Variants in KCNMA1 observed in about 807,000 individuals in gnomAD.
KCNMA1 encodes the protein Calcium-activated potassium channel subunit alpha-1.
KCNMA1 carries 29 observed loss-of-function variants against 140.0 expected under a neutral mutation model. That is an observed-to-expected ratio of 0.21 (90% confidence interval 0.15 to 0.28). The LOEUF is 0.28. KCNMA1 is among the 10% of genes least tolerant of loss of function. The pLI is 1.00. For missense variants in KCNMA1, 880 were observed against 1,602.2 expected (o/e 0.55, Z 7.70); for synonymous variants, 612 against 611.9 (o/e 1.00, Z 0.00).
At chr10:77,381,123 C>T (rs148851254) in intron 2 of KCNMA1, among the ~76,000 whole-genome samples, 123 of 152,226 alleles carry the variant, frequency 8.1e-4, no homozygotes, top group African/African-American at 2.8e-3. Flanking sequence ...CTCATCCATT[C>T]GTTCAACAGA....
chr10:77,517,643 G>A (rs1004517987), intron 1 of KCNMA1, among the ~76,000 whole-genome samples: 6 of 152,238 alleles, frequency 3.9e-5, no homozygotes, highest in African/African-American at 9.6e-5. Flanking sequence ...TGAAGGGCCC[G>A]TGTTCTCAGC....
intron 19 of KCNMA1, chr10:76,974,583 A>C: frequency 2.6e-6 from 4 of 1,518,362 alleles, no homozygotes; most frequent in Non-Finnish European, 3.6e-6. Context: ...ACTGCCAAAC[A>C]ATAAGGAGAA....
chr10:77,588,627 T>G (rs2078008440), intron 1 of KCNMA1, among the ~76,000 whole-genome samples: 2 of 152,128 alleles, frequency 1.3e-5, no homozygotes, highest in South Asian at 4.1e-4. Context: ...GGGCCCAAGG[T>G]TCTAGTAAGA....
At chr10:77,178,430 G>A (rs1206529113) in intron 5 of KCNMA1, among the ~76,000 whole-genome samples, 1 of 152,154 alleles carries the variant, frequency 6.6e-6, no homozygotes, top group Non-Finnish European at 1.5e-5. Flanking sequence ...ACACAGGCAA[G>A]GTGCAGTGGC....
chr10:77,293,821 T>C (rs1402985500), intron 2 of KCNMA1, among the ~76,000 whole-genome samples: 1 of 152,244 alleles, frequency 6.6e-6, no homozygotes, highest in Non-Finnish European at 1.5e-5. Context: ...ATGCATTCTT[T>C]CCCAAAATGC....
At chr10:77,600,713 C>T (rs2082344995) in intron 1 of KCNMA1, among the ~76,000 whole-genome samples, 2 of 152,102 alleles carry the variant, frequency 1.3e-5, no homozygotes, top group African/African-American at 4.8e-5. Flanking sequence ...CGCCATTGCA[C>T]TGCAGCCTGG....
At chr10:77,403,109 A>G (rs2096333292) in intron 2 of KCNMA1, among the ~76,000 whole-genome samples, 1 of 152,166 alleles carries the variant, frequency 6.6e-6, no homozygotes, top group African/African-American at 2.4e-5. Flanking sequence ...GTTGATCACT[A>G]TAAGCCTGTC....
intron 2 of KCNMA1, among the ~76,000 whole-genome samples, chr10:77,343,487 G>A (rs889240331): frequency 2.6e-5 from 4 of 152,216 alleles, no homozygotes. Context: ...CTGATAAAGG[G>A]GGTGGCAGAG....
intron 1 of KCNMA1, among the ~76,000 whole-genome samples, chr10:77,541,159 A>C (rs1166291089): frequency 6.6e-6 from 1 of 152,098 alleles, no homozygotes; most frequent in Non-Finnish European, 1.5e-5. Flanking sequence ...AAACAGCAGA[A>C]AAAACTCACA....
At chr10:77,353,545 G>A (rs778837733) in intron 2 of KCNMA1, among the ~76,000 whole-genome samples, 10 of 151,342 alleles carry the variant, frequency 6.6e-5, no homozygotes, top group Non-Finnish European at 1.3e-4. Context: ...CACATCATTC[G>A]TGCTTACTAG....
chr10:76,972,438 C>T (rs1173403821), intron 19 of KCNMA1, among the ~76,000 whole-genome samples: 1 of 152,124 alleles, frequency 6.6e-6, no homozygotes, highest in Non-Finnish European at 1.5e-5. Flanking sequence ...CATTGGCTTC[C>T]CTTTTTGCAT....
intron 3 of KCNMA1, among the ~76,000 whole-genome samples, chr10:77,226,683 A>G (rs11814217): frequency 0.016 from 2,477 of 152,296 alleles, 63 homozygotes; most frequent in African/African-American, 0.056. Context: ...TAAGTAATCT[A>G]CAACAGAGCC....
At chr10:76,944,638 C>T in intron 23 of KCNMA1, 135 bp downstream of exon 23, 1 of 784,346 alleles carries the variant, frequency 1.3e-6, no homozygotes, top group Non-Finnish European at 2.2e-6. Context: ...CCTTTGAAAG[C>T]CATCATGGTG....
chr10:77,025,336 A>G, intron 16 of KCNMA1: 1 of 674,138 alleles, frequency 1.5e-6, no homozygotes. Context: ...GATTATATAT[A>G]CATATATATA....
At chr10:77,596,779 C>T (rs958283556) in intron 1 of KCNMA1, among the ~76,000 whole-genome samples, 6 of 152,144 alleles carry the variant, frequency 3.9e-5, no homozygotes, top group East Asian at 1.9e-4. Context: ...GCTATTTTGA[C>T]GTCACAGCCA....
chr10:77,058,484 T>C (rs1214446029), intron 14 of KCNMA1, among the ~76,000 whole-genome samples: 1 of 152,050 alleles, frequency 6.6e-6, no homozygotes, highest in Non-Finnish European at 1.5e-5. Context: ...ACCTGGAACA[T>C]TCACCAAGAC....
chr10:77,214,174 A>C (rs1273294409), intron 3 of KCNMA1, among the ~76,000 whole-genome samples: 3 of 151,936 alleles, frequency 2.0e-5, no homozygotes, highest in Non-Finnish European at 4.4e-5. Context: ...GCAAATTGAC[A>C]CTCCATACTG....
intron 2 of KCNMA1, among the ~76,000 whole-genome samples, chr10:77,342,376 A>C (rs1279531279): frequency 6.6e-6 from 1 of 152,184 alleles, no homozygotes; most frequent in South Asian, 2.1e-4. Context: ...CATTGTCCCC[A>C]TTTTACAGGT....
intron 1 of KCNMA1, among the ~76,000 whole-genome samples, chr10:77,632,864 C>G (rs2093356137): frequency 2.0e-5 from 3 of 152,148 alleles, no homozygotes; most frequent in Admixed American, 6.5e-5. Context: ...CTATAAGAAC[C>G]CTACAAAGTA....
Sources: gnomAD v4.1 joint callset for allele counts (sites outside exome capture counted in the v4.1 genomes callset) on GRCh38, gnomAD v4.1.1 for gene constraint, MANE v1.5 for transcripts, NCBI Gene and HGNC (gene_info 2026-07-23, HGNC 2026-07-21) for gene names.